The following CHD4 variants were observed in gnomAD, a reference collection of about 807,000 sequenced individuals.
CHD4 encodes the protein ATP-dependent chromatin remodeler CHD4.
Under a neutral mutation model 235.5 loss-of-function variants are expected in CHD4, and 35 were observed. The observed-to-expected ratio is 0.15, with a 90% CI of 0.11 to 0.20. The LOEUF (loss-of-function observed/expected upper bound fraction) is 0.20, where lower values mean the gene tolerates loss of function less well. Among genes scored for constraint, CHD4 ranks in the 10% least tolerant of loss-of-function variants. CHD4 has a pLI of 1.00. For missense variants in CHD4, 1,329 were observed against 2,432.3 expected (o/e 0.55, Z 9.54); for synonymous variants, 900 against 850.2 (o/e 1.06, Z -1.02).
intron 30 of CHD4, 47 bp from the exon 31 acceptor site, chr12:6,581,861 C>T (rs1419394150): frequency 6.7e-7 from 1 of 1,494,760 alleles, no homozygotes; most frequent in Non-Finnish European, 8.9e-7. Flanking sequence ...CAGCTACAGG[C>T]TCCTTTCCTA....
chr12:6,574,020 C>CAA, intron 37 of CHD4, among the ~76,000 whole-genome samples: 1 of 148,824 alleles, frequency 6.7e-6, no homozygotes, highest in East Asian at 1.9e-4. Context: ...GAAACTGTCT[C>CAA]AAAAAAAAAG....
intron 4 of CHD4, 73 bp downstream of exon 4, chr12:6,601,887 G>C (rs1324549167): frequency 1.9e-6 from 3 of 1,564,722 alleles, no homozygotes; most frequent in East Asian, 2.2e-5. Flanking sequence ...GTGTTCTAAA[G>C]GGCAGTAAGG....
intron 38 of CHD4, 131 bp downstream of exon 38, chr12:6,572,943 C>A: frequency 2.3e-6 from 2 of 858,832 alleles, no homozygotes; most frequent in South Asian, 1.8e-5. Context: ...CCAAGGATGG[C>A]AAAGATCCCT....
intron 9 of CHD4, 76 bp from the exon 10 acceptor site, chr12:6,600,088 C>T (rs1948563620): frequency 2.5e-6 from 4 of 1,582,192 alleles, no homozygotes; most frequent in South Asian, 1.2e-5. Context: ...CCCATCATTC[C>T]TTTGAATGCT....
rs187045674 is a variant in CHD4 at position 6,584,855 on chromosome 12, A to G, written c.3880-1477T>C. On this transcript the variant is annotated intron_variant, in intron 25 of 39. Transcript: ENST00000544040. ...ATGTGCTCTCCCATCAATCACTTCT[A>G]TTACATTCACTGCCACTGAAAGGAA... is the stretch of plus-strand genomic sequence containing the variant. The G allele has an allele frequency of 6.6e-5, 10 of 152,396 alleles. No homozygotes were observed. The East Asian group carries it at 7.7e-4, about 12-fold the overall frequency. 9.4% of individuals were successfully genotyped at this position (152,396 alleles called of 1,614,324 possible).
chr12:6,592,991 T>C (rs1013034518), intron 17 of CHD4, 100 bp downstream of exon 17: 54 of 1,542,568 alleles, frequency 3.5e-5, no homozygotes, highest in Non-Finnish European at 4.7e-5. Context: ...AGAGACAATT[T>C]TCCCCTCTCC....
At chr12:6,574,777 A>G (rs959876055) in intron 37 of CHD4, among the ~76,000 whole-genome samples, 1 of 152,232 alleles carries the variant, frequency 6.6e-6, no homozygotes, top group Non-Finnish European at 1.5e-5. Context: ...ATGACAATTT[A>G]ACTTTCTCAG....
chr12:6,601,491 G>A lies in CHD4; in HGVS notation c.597C>T (p.Ser199=), dbSNP rs1354607927. 3 of 1,614,014 alleles carry A rather than the reference G, an allele frequency of 1.9e-6. No individual in the cohort carries two copies. The African/African-American group carries it at 4.0e-5, about 22-fold the overall frequency. ...IAAKNPKIAV[S]KMMMVLGAKW... is the part of the protein sequence containing the mutation. ...TTGCACCCAAAACCATCATCATCTT[G>A]GAGACAGCAATCTTGGGATTTTTGG... is the stretch of plus-strand genomic sequence containing the variant. The change falls in exon 6 of 40, where the codon TCC becomes TCT. Residue 199 remains serine (S), a synonymous_variant. Transcript: ENST00000544040.
chr12:6,602,313 A>G (rs1290539378), intron 3 of CHD4, 63 bp downstream of exon 3: 2 of 1,608,366 alleles, frequency 1.2e-6, no homozygotes, highest in Non-Finnish European at 1.7e-6. Flanking sequence ...TCAGCCCTTC[A>G]ACCCTTCTCA....
Position 6,600,280 on chromosome 12 carries a change from G to A in CHD4, c.1179C>T (p.His393=), listed in dbSNP as rs1565617313. The A allele has an allele frequency of 4.3e-6, 7 of 1,614,184 alleles. No homozygotes were observed. Among genetic ancestry groups the A allele is most frequent in the Non-Finnish European group, 5.9e-6 (7 of 1,180,040 alleles). ...ILCDTCPRAY[H]MVCLDPDMEK... ...CCATGTCGGGATCCAGGCAGACCAT[G>A]TGGTAAGCACGGGGACAGGTATCAC... Residue 393 remains histidine (H), a synonymous_variant, in exon 9 of 40, where the codon CAC becomes CAT. Coordinates refer to ENST00000544040, the MANE Select transcript of CHD4 (RefSeq NM_001273.5).
At chr12:6,573,646 A>G (rs1222774426) in intron 37 of CHD4, among the ~76,000 whole-genome samples, 2 of 152,168 alleles carry the variant, frequency 1.3e-5, no homozygotes, top group African/African-American at 2.4e-5. Context: ...ATCATACTAT[A>G]TACATACCCA....
Position 6,573,180 on chromosome 12 carries a change from G to C in CHD4, c.5451C>G (p.Ala1817=), listed in dbSNP as rs1295995077. The change falls in exon 38 of 40, where the codon GCC becomes GCG. Residue 1817 remains alanine (A), a synonymous_variant. Transcript: ENST00000544040. ...MSEDPSHPSM[A]LNTRFAEVEC... ...CCACCTCAGCAAAGCGGGTGTTGAG[G>C]GCCATGGAAGGGTGAGAAGGGTCTT... is the stretch of plus-strand genomic sequence containing the variant. 6.2e-7 allele frequency: 1 copy of C among 1,607,978 alleles called. No homozygotes were observed. Among genetic ancestry groups the C allele is most frequent in the South Asian group, 1.1e-5 (1 of 89,894 alleles).
intron 2 of CHD4, 104 bp downstream of exon 2, chr12:6,606,170 T>C (rs1449729738): frequency 2.6e-6 from 2 of 765,974 alleles, no homozygotes; most frequent in Non-Finnish European, 4.2e-6. Context: ...CCTCCGGCTC[T>C]GCACAGAGAC....
intron 22 of CHD4, among the ~76,000 whole-genome samples, 182 bp from the exon 23 acceptor site, chr12:6,588,604 CCT>C (rs1303479865): frequency 6.6e-6 from 1 of 152,038 alleles, no homozygotes; most frequent in Non-Finnish European, 1.5e-5. Context: ...ACGGTGAAAC[CCT>C]GTCTCTACTA....
chr12:6,597,203 G>A (rs1243146863), intron 12 of CHD4, among the ~76,000 whole-genome samples: 2 of 151,218 alleles, frequency 1.3e-5, no homozygotes, highest in African/African-American at 2.4e-5. Context: ...GTGAACCCAG[G>A]AGGCAGAGCT....
chr12:6,592,577 A>T lies in CHD4; in HGVS notation c.2775-11T>A. Reference sequence around the variant, plus strand: ...AAACCTTCCAAATTGCTTCAGAAAGAAAAAGGAAAAAAGTTATTGGAGAAG... The same window carrying T: ...AAACCTTCCAAATTGCTTCAGAAAGTAAAAGGAAAAAAGTTATTGGAGAAG... On this transcript the variant is annotated splice_polypyrimidine_tract_variant and intron_variant, in intron 18 of 39. Coordinates refer to ENST00000544040, the MANE Select transcript of CHD4 (RefSeq NM_001273.5). 1 of 1,581,242 alleles carries T rather than the reference A, an allele frequency of 6.3e-7. No individual in the cohort carries two copies.
intron 21 of CHD4, 38 bp downstream of exon 21, chr12:6,591,656 C>G (rs368025848): frequency 6.2e-7 from 1 of 1,613,980 alleles, no homozygotes; most frequent in Non-Finnish European, 8.5e-7. Context: ...TAAGGGTTGT[C>G]TATGACTGTT....
chr12:6,571,103 G>GC (rs1565597875), intron 38 of CHD4, 71 bp from the exon 39 acceptor site: 15 of 1,547,596 alleles, frequency 9.7e-6, no homozygotes, highest in Admixed American at 5.4e-5. Flanking sequence ...TAGTGGACCA[G>GC]CCCCCCATCA....
At position 6,600,570 on chromosome 12, in the gene CHD4, G is replaced by C; in HGVS notation, c.1027C>G (p.Arg343Gly). The C allele has an allele frequency of 6.2e-7, 1 of 1,613,682 alleles. No homozygotes were observed. Among genetic ancestry groups the C allele is most frequent in the Non-Finnish European group, 8.5e-7 (1 of 1,180,006 alleles). Residue 343 changes from arginine to glycine, a missense_variant, in exon 8 of 40, where the codon CGC (arginine) becomes GGC (glycine). Arg to Gly is a moderately radical substitution (Grantham distance 125). Transcript: ENST00000544040. ...TTTTTAGTGGTTCGGAGTTTCTTGC[G>C]GCTGCGGCTACTACGGCTGGTGGAA... ...DGSTSRSSRSRKKLRTTKKKK... is the reference protein window; with the variant it reads ...DGSTSRSSRSGKKLRTTKKKK...
Sources: gnomAD v4.1 joint callset for allele counts (sites outside exome capture counted in the v4.1 genomes callset) on GRCh38, gnomAD v4.1.1 for gene constraint, MANE v1.5 for transcripts, NCBI Gene and HGNC (gene_info 2026-07-23, HGNC 2026-07-21) for gene names.